Variants in UGT1A10 observed in about 807,000 individuals in gnomAD.
The protein encoded by UGT1A10 is UDP-glucuronosyltransferase 1A10.
In UGT1A10, 49 loss-of-function variants were observed where a neutral mutation model predicts 45.8. That is an observed-to-expected ratio of 1.07 (90% CI 0.85 to 1.36). The LOEUF (loss-of-function observed/expected upper bound fraction) is 1.36. Ranked by LOEUF, UGT1A10 falls within the 40% of genes most tolerant of loss-of-function variation. The probability of loss-of-function intolerance (pLI) is 0.00; values close to 1 mark genes in which losing one functional copy is unlikely to be tolerated. For missense variants in UGT1A10, 745 were observed against 668.6 expected, an observed-to-expected ratio of 1.11 and a Z score of -1.26; for synonymous variants, 284 against 249.7, an observed-to-expected ratio of 1.14 and a Z score of -1.29.
intron 1 of UGT1A10, among the ~76,000 whole-genome samples, chr2:233,726,045 G>A (rs1002009410): frequency 1.3e-5 from 2 of 151,996 alleles, no homozygotes; most frequent in Non-Finnish European, 2.9e-5. Context: ...GCACACCTGT[G>A]GTCCCAGCTA....
chr2:233,724,193 GC>G lies in UGT1A10; in HGVS notation c.856-42840del, dbSNP rs1291443847. Among the ~76,000 whole-genome samples, 375 of 129,962 alleles carry G rather than the reference GC, an allele frequency of 2.9e-3. 2 individuals are homozygous for G. Among genetic ancestry groups the G allele is most frequent in the African/African-American group, 0.011 (348 of 31,006 alleles). The allele number at this position is 129,962 out of a possible 152,430, so 85.3% of individuals were successfully genotyped here. ...CCCCATCTCCCTCCCGGACGGGGTG[GC>G]TGGCCGGGCTGAGGGGCTCCTCACT... On this transcript the variant is annotated intron_variant, in intron 1 of 4. Coordinates refer to ENST00000344644, the MANE Select transcript of UGT1A10 (RefSeq NM_019075.4).
chr2:233,679,606 A>G (rs2074457257), intron 1 of UGT1A10, among the ~76,000 whole-genome samples: 1 of 151,524 alleles, frequency 6.6e-6, no homozygotes, highest in South Asian at 2.1e-4. Flanking sequence ...CTGTATTAAA[A>G]CCCTGTTCAG....
At chr2:233,648,130 G>A (rs2073648120) in intron 1 of UGT1A10, 1 of 1,327,318 alleles carries the variant, frequency 7.5e-7, no homozygotes, top group African/African-American at 1.5e-5. Context: ...TGCTCAATGG[G>A]AAGCAGAAGT....
chr2:233,697,043 T>A (rs2075371432), intron 1 of UGT1A10, among the ~76,000 whole-genome samples: 2 of 152,186 alleles, frequency 1.3e-5, no homozygotes, highest in Non-Finnish European at 2.9e-5. Context: ...TTTTCTTTTT[T>A]TTTGTTGTGT....
intron 1 of UGT1A10, among the ~76,000 whole-genome samples, chr2:233,676,681 G>T (rs2074368074): frequency 6.6e-6 from 1 of 152,138 alleles, no homozygotes; most frequent in Admixed American, 6.5e-5. Flanking sequence ...GTCCTAGTCA[G>T]GTGTCCTGTA....
chr2:233,760,301 C>A (rs1697391714), intron 1 of UGT1A10: 1 of 1,613,532 alleles, frequency 6.2e-7, no homozygotes, highest in South Asian at 1.1e-5. Flanking sequence ...GCTGTGGAGT[C>A]CCAGGGCGGA....
At chr2:233,702,910 T>A (rs78155632) in intron 1 of UGT1A10, among the ~76,000 whole-genome samples, 2,672 of 152,282 alleles carry the variant, frequency 0.018, 42 homozygotes, top group East Asian at 0.042. Context: ...ATATTGGAAG[T>A]CTTATTTTCT....
At chr2:233,717,723 G>T in intron 1 of UGT1A10, 1 of 455,670 alleles carries the variant, frequency 2.2e-6, no homozygotes. Context: ...ATGGGCATGA[G>T]ACCATTGTGA....
chr2:233,753,819 A>AG (rs1295760260), intron 1 of UGT1A10, among the ~76,000 whole-genome samples: 1 of 152,236 alleles, frequency 6.6e-6, no homozygotes, highest in African/African-American at 2.4e-5. Context: ...GAACCACGTT[A>AG]GGGCTGAAGA....
intron 1 of UGT1A10, among the ~76,000 whole-genome samples, chr2:233,709,702 T>A (rs2125616518): frequency 6.6e-6 from 1 of 152,356 alleles, no homozygotes; most frequent in East Asian, 1.9e-4. Context: ...AATTTTGTTC[T>A]TTTTTAATTG....
rs2077098328 is a variant in UGT1A10, at chr2:233,723,542, AT to A, written c.856-43485del. ...TTTTTTTTTTTTTTTTTTTTAATTT[AT>A]TTTTTTATTGATAATTCTTGGGTGT... On this transcript the variant is annotated intron_variant, in intron 1 of 4. Coordinates refer to ENST00000344644, the MANE Select transcript of UGT1A10 (RefSeq NM_019075.4). 4.0e-5 allele frequency among the ~76,000 whole-genome samples: 3 copies of A among 74,540 alleles called. No individual in the cohort carries two copies. The East Asian group carries it at 1.2e-3, about 29-fold the overall frequency. 48.9% of individuals were successfully genotyped at this position (74,540 alleles called of 152,430 possible).
intron 1 of UGT1A10, chr2:233,729,291 C>A (rs370316255): frequency 1.9e-5 from 30 of 1,614,090 alleles, no homozygotes; most frequent in African/African-American, 2.7e-5. Context: ...ATGCCAGAGG[C>A]CACCAGGCAG....
intron 1 of UGT1A10, chr2:233,747,078 A>G (rs1246065129): frequency 1.2e-5 from 13 of 1,085,828 alleles, no homozygotes; most frequent in Admixed American, 7.9e-5. Context: ...ATAATTAACT[A>G]GGAGGAGAGC....
chr2:233,713,607 A>T (rs1428471201), intron 1 of UGT1A10: 6 of 1,613,982 alleles, frequency 3.7e-6, no homozygotes. Flanking sequence ...AGACCACATG[A>T]CATTCCTGCA....
intron 1 of UGT1A10, among the ~76,000 whole-genome samples, chr2:233,707,167 C>T (rs551362724): frequency 4.5e-4 from 69 of 152,260 alleles, no homozygotes; most frequent in African/African-American, 1.6e-3. Context: ...AGCACCCAGA[C>T]ATCCATCCTG....
At position 233,725,197 on chromosome 2, in the gene UGT1A10, C is replaced by G. The variant is rs183860264; in HGVS notation, c.856-41837C>G. 1.8e-3 allele frequency among the ~76,000 whole-genome samples: 143 copies of G among 80,676 alleles called. 7 individuals are homozygous for G. The highest frequency in any genetic ancestry group is 6.4e-3 in the Middle Eastern group (1 of 156). The allele number at this position is 80,676 out of a possible 152,430, so 52.9% of individuals were successfully genotyped here. A position where few individuals can be genotyped will look rare whatever the true frequency, so the allele number is the denominator to read the frequency against. On this transcript the variant is annotated intron_variant, in intron 1 of 4. Transcript: ENST00000344644. ...CCGTGGGGAGAGGCAGAGGCAGAGG[C>G]AGAGGCAGAGGCAGAGGCAGAGGAG...
At chr2:233,672,672 C>T in intron 1 of UGT1A10, 2 of 1,613,900 alleles carry the variant, frequency 1.2e-6, no homozygotes, top group Non-Finnish European at 1.7e-6. Context: ...ATCTCTACAG[C>T]CACACATCAA....
chr2:233,687,715 C>G (rs2074859445), intron 1 of UGT1A10, among the ~76,000 whole-genome samples: 1 of 151,616 alleles, frequency 6.6e-6, no homozygotes, highest in Admixed American at 6.6e-5. Context: ...CCAGCCTGGA[C>G]AACATAGGGA....
At chr2:233,693,762 G>C in intron 1 of UGT1A10, 1 of 1,614,206 alleles carries the variant, frequency 6.2e-7, no homozygotes, top group Non-Finnish European at 8.5e-7. Flanking sequence ...GTCTCTGTTT[G>C]GCTGTTAAGA....
Sources: allele counts gnomAD v4.1 joint callset (sites outside exome capture counted in the v4.1 genomes callset), GRCh38; gene constraint gnomAD v4.1.1; transcripts MANE v1.5; gene names NCBI Gene and HGNC (gene_info 2026-07-23, HGNC 2026-07-21).